Variants in NELL2 observed in about 807,000 individuals in gnomAD.
NELL2 encodes the protein neural EGFL like 2.
NELL2 carries 41 observed loss-of-function variants against 109.6 expected under a neutral mutation model. That is an observed-to-expected ratio of 0.37 (90% confidence interval 0.29 to 0.49). The LOEUF is 0.49. Among genes scored for constraint, NELL2 ranks in the 20% least tolerant of loss-of-function variants. The pLI, the probability that NELL2 is intolerant of heterozygous loss-of-function variation, is 0.98. For missense variants in NELL2, 900 were observed against 1,008.3 expected, an observed-to-expected ratio of 0.89 and a Z score of 1.45; for synonymous variants, 355 against 344.7, an observed-to-expected ratio of 1.03 and a Z score of -0.33.
At chr12:44,554,839 T>C (rs1943184031) in intron 15 of NELL2, among the ~76,000 whole-genome samples, 1 of 152,118 alleles carries the variant, frequency 6.6e-6, no homozygotes. Context: ...GGAGGGAGAG[T>C]TGGTGTGAAG....
chr12:44,584,112 A>T (rs1226155342), intron 15 of NELL2, among the ~76,000 whole-genome samples: 3 of 152,200 alleles, frequency 2.0e-5, no homozygotes, highest in Non-Finnish European at 2.9e-5. Context: ...TGTCATCTAC[A>T]CCATAGACTA....
intron 1 of NELL2, among the ~76,000 whole-genome samples, chr12:44,903,760 C>G (rs952197211): frequency 6.6e-6 from 1 of 151,860 alleles, no homozygotes; most frequent in East Asian, 1.9e-4. Flanking sequence ...AAGCTGGAAA[C>G]GATCATTCTC....
In NELL2 at chr12:44,810,842, T is replaced by C. The variant is rs11182693; in HGVS notation, c.335+5144A>G. On this transcript the variant is annotated intron_variant, in intron 3 of 19. Transcript: ENST00000429094. The stretch of plus-strand genomic sequence containing the variant: ...TTGAACCTTGGGATGTATTACCAAT[T>C]TTTTAAGAAAGCTACAATTTAGATT... Among the ~76,000 whole-genome samples, 354 of 152,280 alleles carry C rather than the reference T, an allele frequency of 2.3e-3. 10 individuals are homozygous for C. In the East Asian group the frequency reaches 0.05, roughly 21 times the overall value.
intron 2 of NELL2, among the ~76,000 whole-genome samples, chr12:44,865,324 T>C (rs1344622728): frequency 6.8e-6 from 1 of 148,022 alleles, no homozygotes; most frequent in Non-Finnish European, 1.5e-5. Flanking sequence ...GTAGGTTGCC[T>C]GTTCACTCTG....
intron 15 of NELL2, among the ~76,000 whole-genome samples, chr12:44,569,132 T>C (rs1943767721): frequency 6.6e-6 from 1 of 152,138 alleles, no homozygotes; most frequent in Non-Finnish European, 1.5e-5. Flanking sequence ...GAACAAGTGG[T>C]ATTTGGTTTT....
intron 1 of NELL2, among the ~76,000 whole-genome samples, chr12:44,903,887 G>A (rs866508637): frequency 6.6e-6 from 1 of 151,482 alleles, no homozygotes; most frequent in Non-Finnish European, 1.5e-5. Context: ...GGGGCCTGTC[G>A]GGGGGTGGGG....
chr12:44,694,882 A>G (rs1319710985), intron 12 of NELL2, among the ~76,000 whole-genome samples: 13 of 152,178 alleles, frequency 8.5e-5, no homozygotes, highest in African/African-American at 2.9e-4. Context: ...TCTTACTCTT[A>G]AAGGAATCCT....
intron 19 of NELL2, among the ~76,000 whole-genome samples, chr12:44,511,490 G>A (rs1444474396): frequency 2.0e-5 from 3 of 152,190 alleles, no homozygotes; most frequent in Admixed American, 6.5e-5. Flanking sequence ...ATAACTATAA[G>A]GAAAGCAGAA....
intron 1 of NELL2, among the ~76,000 whole-genome samples, chr12:44,890,982 G>A (rs539986692): frequency 5.9e-5 from 9 of 152,200 alleles, no homozygotes; most frequent in African/African-American, 1.2e-4. Context: ...CACCCGCCTC[G>A]GCATCCCCAA....
intron 12 of NELL2, among the ~76,000 whole-genome samples, chr12:44,687,318 T>A (rs1948755586): frequency 6.6e-6 from 1 of 152,170 alleles, no homozygotes. Flanking sequence ...CACTCCCTAG[T>A]GAGATGAACC....
At chr12:44,516,310 T>C (rs887313420) in intron 19 of NELL2, among the ~76,000 whole-genome samples, 2 of 152,134 alleles carry the variant, frequency 1.3e-5, no homozygotes, top group Non-Finnish European at 2.9e-5. Flanking sequence ...TATAGCTTGT[T>C]TTATACTTTG....
At chr12:44,690,709 AG>A (rs1948872282) in intron 12 of NELL2, among the ~76,000 whole-genome samples, 1 of 152,184 alleles carries the variant, frequency 6.6e-6, no homozygotes, top group South Asian at 2.1e-4. Context: ...GCGGTTTAGT[AG>A]GAGGGTTTTG....
intron 9 of NELL2, 78 bp downstream of exon 9, chr12:44,774,669 A>G (rs779920147): frequency 8.5e-7 from 1 of 1,181,764 alleles, no homozygotes; most frequent in Admixed American, 1.8e-5. Flanking sequence ...CCCAGATTAA[A>G]CCAATGATGG....
At chr12:44,643,529 A>G (rs146834768) in intron 13 of NELL2, among the ~76,000 whole-genome samples, 1 of 152,320 alleles carries the variant, frequency 6.6e-6, no homozygotes, top group African/African-American at 2.4e-5. Flanking sequence ...TAACAGCAGT[A>G]TCACTAAAAA....
chr12:44,623,386 A>C (rs1010646995), intron 13 of NELL2, among the ~76,000 whole-genome samples: 2 of 152,090 alleles, frequency 1.3e-5, no homozygotes, highest in African/African-American at 4.8e-5. Flanking sequence ...AAATAGAGTG[A>C]AATCTTTTTT....
chr12:44,694,308 G>C (rs1329387953), intron 12 of NELL2, among the ~76,000 whole-genome samples: 3 of 152,060 alleles, frequency 2.0e-5, no homozygotes, highest in Non-Finnish European at 2.9e-5. Flanking sequence ...GAATTAGAAC[G>C]TTGGTCTTCT....
intron 9 of NELL2, among the ~76,000 whole-genome samples, chr12:44,729,863 G>A (rs1051532337): frequency 3.3e-5 from 5 of 151,918 alleles, no homozygotes; most frequent in Admixed American, 6.6e-5. Flanking sequence ...GCGTGATCTC[G>A]CCTCACTGCA....
upstream of NELL2, chr12:44,876,842 T>C: frequency 7.6e-7 from 1 of 1,314,208 alleles, no homozygotes; most frequent in Non-Finnish European, 9.7e-7. Flanking sequence ...CTGGGCAAAG[T>C]AGGTAGAGAC....
At chr12:44,744,478 C>G (rs1007491374) in intron 9 of NELL2, among the ~76,000 whole-genome samples, 1 of 151,902 alleles carries the variant, frequency 6.6e-6, no homozygotes, top group South Asian at 2.1e-4. Context: ...AATAGAGACA[C>G]AAAAAACCCT....
Sources: gnomAD v4.1 joint callset for allele counts (sites outside exome capture counted in the v4.1 genomes callset) on GRCh38, gnomAD v4.1.1 for gene constraint, MANE v1.5 for transcripts, NCBI Gene and HGNC (gene_info 2026-07-23, HGNC 2026-07-21) for gene names.